The following WSCD2 variants were observed in gnomAD, a reference collection of about 807,000 sequenced individuals.
The protein encoded by WSCD2 is WSC domain sialate O sulfotransferase 2, also known as sialate:O-sulfotransferase 2.
Under a neutral mutation model 55.7 loss-of-function variants are expected in WSCD2, and 28 were observed. That is an observed-to-expected ratio of 0.50 (90% CI 0.37 to 0.69). The LOEUF (loss-of-function observed/expected upper bound fraction) is 0.69, where lower values mean the gene tolerates loss of function less well. WSCD2 is among the 30% of genes least tolerant of loss of function. The pLI is 0.00. For synonymous variants in WSCD2, 301 were observed against 301.9 expected (o/e 1.00, Z 0.03); for missense variants, 616 against 762.1 (o/e 0.81, Z 2.26).
At chr12:108,132,655 A>G (rs1258773593) in intron 1 of WSCD2, among the ~76,000 whole-genome samples, 2 of 152,212 alleles carry the variant, frequency 1.3e-5, no homozygotes, top group Non-Finnish European at 2.9e-5. Context: ...AAGCAGGTGT[A>G]TGCCTGCACA....
chr12:108,183,405 G>A (rs1454247255), intron 1 of WSCD2, among the ~76,000 whole-genome samples: 1 of 152,144 alleles, frequency 6.6e-6, no homozygotes. Context: ...TGGGGGTGAG[G>A]GGGATGACAG....
At chr12:108,239,837 C>T (rs1889576422) in intron 7 of WSCD2, among the ~76,000 whole-genome samples, 1 of 152,184 alleles carries the variant, frequency 6.6e-6, no homozygotes, top group African/African-American at 2.4e-5. Context: ...CTTCAGCCCC[C>T]CAAGTGGCTG....
At chr12:108,194,917 A>C (rs572432473) in intron 1 of WSCD2, among the ~76,000 whole-genome samples, 1 of 152,308 alleles carries the variant, frequency 6.6e-6, no homozygotes, top group African/African-American at 2.4e-5. Flanking sequence ...AGGACCTTGA[A>C]AGTACTTTTC....
rs1565928724 is a variant in WSCD2 at position 108,166,756 on chromosome 12, C to CTT, written c.-551-28524_-551-28523dup. 5.4e-3 allele frequency among the ~76,000 whole-genome samples: 262 copies of CTT among 48,490 alleles called. 2 individuals carry two copies. The East Asian group carries it at 0.12, about 21-fold the overall frequency. The allele number at this position is 48,490 out of a possible 152,430, so 31.8% of individuals were successfully genotyped here. A position where few individuals can be genotyped will look rare whatever the true frequency, so the allele number is the denominator to read the frequency against. On this transcript the variant is annotated intron_variant, in intron 1 of 8. Transcript: ENST00000547525. ...TCTTTCTTTCTTTCCTTCTTTCTTT[C>CTT]TTTCTTTTCTTTCTTTCTTTCTTTC...
At chr12:108,200,174 G>A (rs1359824115) in intron 2 of WSCD2, among the ~76,000 whole-genome samples, 1 of 152,168 alleles carries the variant, frequency 6.6e-6, no homozygotes, top group African/African-American at 2.4e-5. Flanking sequence ...GATAGCAGGA[G>A]CACCCACTTC....
chr12:108,233,145 A>G, intron 7 of WSCD2: 1 of 419,406 alleles, frequency 2.4e-6, no homozygotes, highest in Non-Finnish European at 4.3e-6. Flanking sequence ...TCAAGTACTT[A>G]TCCTATGCCT....
At chr12:108,192,006 T>C (rs1296998008) in intron 1 of WSCD2, among the ~76,000 whole-genome samples, 3 of 152,112 alleles carry the variant, frequency 2.0e-5, no homozygotes, top group Admixed American at 2.0e-4. Context: ...TGTGTTGGAA[T>C]ATGAAAGAAC....
intron 1 of WSCD2, among the ~76,000 whole-genome samples, chr12:108,148,551 A>G (rs915872802): frequency 2.0e-5 from 3 of 152,164 alleles, no homozygotes; most frequent in Admixed American, 6.5e-5. Flanking sequence ...GATGGTGATC[A>G]TTCTCATCCA....
Position 108,195,915 on chromosome 12 carries a change from C to T in WSCD2, c.83C>T (p.Thr28Ile). The T allele has an allele frequency of 1.9e-6, 3 of 1,614,208 alleles. No homozygotes were observed. The highest frequency in any genetic ancestry group is 2.5e-6 in the Non-Finnish European group (3 of 1,180,046). ...TTTACCTTCCTGGCACTCTACCTGA[C>T]TGCTGGGAGCCTTGTCTTCCTTCAC... ...RFFTFLALYL[T>I]AGSLVFLHSG... Residue 28 changes from threonine to isoleucine, a missense_variant, in exon 2 of 9, where the codon ACT becomes ATT. Coordinates refer to ENST00000547525, the MANE Select transcript of WSCD2 (RefSeq NM_014653.4).
rs1883776991 is a variant in WSCD2 at position 108,195,323 on chromosome 12, AC to A, written c.-508del. On this transcript the variant is annotated 5_prime_UTR_variant, in exon 2 of 9. It removes the in-frame stop codon of an upstream open reading frame in the 5' UTR. Transcript: ENST00000547525. ...CTGATGCCTGACTGGATGGAGGCCC[AC>A]CAGCTTCTGTTCCCATGAGGTAGAA... The A allele has an allele frequency of 6.5e-6, 1 of 153,708 alleles. No homozygotes were observed. The highest frequency in any genetic ancestry group is 2.4e-5 in the African/African-American group (1 of 41,436). 9.5% of individuals were successfully genotyped at this position (153,708 alleles called of 1,614,324 possible).
At chr12:108,165,705 G>A (rs1879535122) in intron 1 of WSCD2, among the ~76,000 whole-genome samples, 1 of 152,164 alleles carries the variant, frequency 6.6e-6, no homozygotes, top group Admixed American at 6.5e-5. Context: ...CACCACCCTT[G>A]CAATTTTTCC....
chr12:108,236,698 G>T (rs1224729307), intron 7 of WSCD2, among the ~76,000 whole-genome samples: 1 of 151,484 alleles, frequency 6.6e-6, no homozygotes, highest in Non-Finnish European at 1.5e-5. Flanking sequence ...CTCTCTCTAG[G>T]TGTCTATCTC....
chr12:108,235,676 C>T (rs1889199082), intron 7 of WSCD2, among the ~76,000 whole-genome samples: 1 of 152,210 alleles, frequency 6.6e-6, no homozygotes, highest in Non-Finnish European at 1.5e-5. Context: ...CCCCCTGTGG[C>T]AATTCCCTGC....
intron 1 of WSCD2, among the ~76,000 whole-genome samples, chr12:108,186,041 C>T (rs182571667): frequency 3.9e-5 from 6 of 152,266 alleles, no homozygotes; most frequent in African/African-American, 1.4e-4. Flanking sequence ...AACCACTGTA[C>T]AAGGGAGACT....
intron 2 of WSCD2, among the ~76,000 whole-genome samples, chr12:108,204,651 G>A (rs1885110342): frequency 6.6e-6 from 1 of 152,250 alleles, no homozygotes; most frequent in Non-Finnish European, 1.5e-5. Context: ...TGTCTGGTGT[G>A]CCTGCTCCAG....
intron 4 of WSCD2, among the ~76,000 whole-genome samples, chr12:108,222,487 A>G (rs189676439): frequency 1.6e-4 from 24 of 152,372 alleles, no homozygotes; most frequent in East Asian, 3.9e-4. Flanking sequence ...TAGGTATTCA[A>G]TAAATGGGGT....
chr12:108,207,118 A>G (rs1031822595), intron 3 of WSCD2, among the ~76,000 whole-genome samples: 1 of 152,110 alleles, frequency 6.6e-6, no homozygotes, highest in Non-Finnish European at 1.5e-5. Flanking sequence ...TTGAGAGTGG[A>G]CAAGTCCCCA....
chr12:108,237,181 T>A (rs188765522), intron 7 of WSCD2, among the ~76,000 whole-genome samples: 24 of 152,328 alleles, frequency 1.6e-4, no homozygotes, highest in Admixed American at 2.6e-4. Context: ...CATGCAGAGA[T>A]GTGCAGTATC....
At chr12:108,205,321 A>T (rs1359395304) in intron 2 of WSCD2, among the ~76,000 whole-genome samples, 2 of 152,212 alleles carry the variant, frequency 1.3e-5, no homozygotes, top group Non-Finnish European at 2.9e-5. Context: ...AACGGTAATA[A>T]TATTCTCATA....
Sources: allele counts gnomAD v4.1 joint callset (sites outside exome capture counted in the v4.1 genomes callset), GRCh38; gene constraint gnomAD v4.1.1; transcripts MANE v1.5; gene names NCBI Gene and HGNC (gene_info 2026-07-23, HGNC 2026-07-21).